EIF4E2: variants seen among roughly 807,000 people sequenced by gnomAD.
EIF4E2 encodes the protein eukaryotic translation initiation factor 4E type 2.
Under a neutral mutation model 34.2 loss-of-function variants are expected in EIF4E2, and 13 were observed. The ratio of observed to expected loss-of-function variants is 0.38; its 90% CI spans 0.25 to 0.60. The LOEUF (loss-of-function observed/expected upper bound fraction) is 0.60. Ranked by LOEUF, EIF4E2 falls within the 20% of genes least tolerant of loss-of-function variation. EIF4E2 has a pLI of 0.62. For synonymous variants in EIF4E2, 100 were observed against 106.6 expected (o/e 0.94, Z 0.38); for missense variants, 222 against 315.1 (o/e 0.70, Z 2.24).
rs569625868 is a variant in EIF4E2, at chr2:232,561,923, A to G, written c.271-2324A>G. 2.0e-5 allele frequency among the ~76,000 whole-genome samples: 3 copies of G among 152,168 alleles called. No homozygotes were observed. The South Asian group carries it at 6.2e-4, about 32-fold the overall frequency. On this transcript the variant is annotated intron_variant, in intron 3 of 6. Transcript: ENST00000258416. Reference sequence around the variant, plus strand: ...CTGTCAAATCTTTTAAAGTTTAATAATATTTCTCAGGCCAGGCACAGTAGC... The same window carrying G: ...CTGTCAAATCTTTTAAAGTTTAATAGTATTTCTCAGGCCAGGCACAGTAGC...
At chr2:232,578,563 G>A (rs540252927) in intron 6 of EIF4E2, among the ~76,000 whole-genome samples, 2 of 151,878 alleles carry the variant, frequency 1.3e-5, no homozygotes, top group East Asian at 3.9e-4. Context: ...CCCAGGAGGC[G>A]GAGGATGCAG....
At chr2:232,565,167 A>C (rs1052340569) in intron 4 of EIF4E2, among the ~76,000 whole-genome samples, 1 of 152,154 alleles carries the variant, frequency 6.6e-6, no homozygotes, top group Non-Finnish European at 1.5e-5. Context: ...ACAGCTCCTC[A>C]TTGCTCACAT....
chr2:232,571,259 T>C (rs1202077152), downstream of EIF4E2, among the ~76,000 whole-genome samples: 2 of 152,234 alleles, frequency 1.3e-5, no homozygotes, highest in East Asian at 1.9e-4. Context: ...GGGCTCCTGC[T>C]CTTGTTTATT....
downstream of EIF4E2, among the ~76,000 whole-genome samples, chr2:232,571,759 C>T (rs1693096906): frequency 6.6e-6 from 1 of 152,206 alleles, no homozygotes; most frequent in Admixed American, 6.5e-5. Flanking sequence ...ATTCCCTTCT[C>T]CTGGCATGGC....
At position 232,566,350 on chromosome 2, in the gene EIF4E2, C is replaced by G. The variant is rs1692933177; in HGVS notation, c.376-479C>G. Among the ~76,000 whole-genome samples, 1 of 152,128 alleles carries G rather than the reference C, an allele frequency of 6.6e-6. No homozygotes were observed. Among genetic ancestry groups the G allele is most frequent in the African/African-American group, 2.4e-5 (1 of 41,434 alleles). Reference sequence around the variant, plus strand: ...TACAGGCGCCCACCACCATGCCCGGCTAATTTTGTTTTTGTATTTTTAGTA... The same window carrying G: ...TACAGGCGCCCACCACCATGCCCGGGTAATTTTGTTTTTGTATTTTTAGTA... On this transcript the variant is annotated intron_variant, in intron 4 of 6. Coordinates refer to ENST00000258416, the MANE Select transcript of EIF4E2 (RefSeq NM_004846.4). This position sits in a 1 kb window ranked among gnomAD's most constrained non-coding sequence, Gnocchi z 4.9.
exon 7 of EIF4E2, chr2:232,580,987 T>C (rs1177967391): frequency 2.0e-5 from 30 of 1,537,256 alleles, no homozygotes; most frequent in Admixed American, 5.9e-5. Context: ...TGTGTGTGTT[T>C]GTCCGAAATG....
At chr2:232,556,933 G>T (rs890403737) in intron 2 of EIF4E2, among the ~76,000 whole-genome samples, 2 of 152,186 alleles carry the variant, frequency 1.3e-5, no homozygotes, top group Non-Finnish European at 2.9e-5. Flanking sequence ...GAGAGAGAGA[G>T]AGATCAATTT....
intron 3 of EIF4E2, among the ~76,000 whole-genome samples, chr2:232,561,320 C>G (rs933148602): frequency 7.4e-6 from 1 of 134,976 alleles, no homozygotes; most frequent in African/African-American, 2.9e-5. Flanking sequence ...TTTTATTTCC[C>G]TCTTGTGAAA....
intron 1 of EIF4E2, chr2:232,553,793 A>G (rs983284664): frequency 1.3e-5 from 2 of 152,222 alleles, no homozygotes; most frequent in African/African-American, 4.8e-5. Flanking sequence ...AGGAGCCCTA[A>G]GTGGTCCAGG....
At chr2:232,583,342 C>T (rs1195630653) in exon 7 of EIF4E2, 1 of 153,166 alleles carries the variant, frequency 6.5e-6, no homozygotes, top group African/African-American at 2.4e-5. Flanking sequence ...TGAAATTGGC[C>T]CCTACTCCTC....
chr2:232,576,069 T>A (rs1314517418), intron 6 of EIF4E2, among the ~76,000 whole-genome samples: 2 of 152,218 alleles, frequency 1.3e-5, no homozygotes, highest in East Asian at 3.9e-4. Flanking sequence ...CTGGGCGTGG[T>A]GGCACACACC....
Position 232,557,921 on chromosome 2 carries a change from A to G in EIF4E2, c.173A>G (p.Tyr58Cys). Residue 58 changes from tyrosine (Y) to cysteine (C), a missense_variant, in exon 3 of 7, where the codon TAC becomes TGC. By Grantham distance (194) the Tyr-to-Cys change is radical. This residue lies in a region of EIF4E2 where 87 missense variants were observed against 93.6 expected (regional missense o/e 0.93). Coordinates refer to ENST00000258416, the MANE Select transcript of EIF4E2 (RefSeq NM_004846.4). ...GGACCGGCAGAGCATCCCCTGCAGT[A>G]CAACTACACTTTTTGGTACTCCAGG... ...VPGPAEHPLQ[Y>C]NYTFWYSRRT... The G allele has an allele frequency of 6.2e-7, 1 of 1,614,038 alleles. No homozygotes were observed. Among genetic ancestry groups the G allele is most frequent in the Non-Finnish European group, 8.5e-7 (1 of 1,180,012 alleles).
chr2:232,568,202 A>G, intron 6 of EIF4E2: 1 of 985,408 alleles, frequency 1.0e-6, no homozygotes, highest in African/African-American at 1.7e-5. Context: ...ATTGAAGGCT[A>G]GTAGTGAGCC....
In EIF4E2 at chr2:232,556,508, A is replaced by G; in HGVS notation, c.113A>G (p.Asn38Ser). The stretch of plus-strand genomic sequence containing the variant: ...AAGGAAAAAACGGAACGAGACAAGA[A>G]TCAGAGCAGTAGCAAGAGAAAGGTG... ...GEKEKTERDKNQSSSKRKAVV... is the reference protein window; with the variant it reads ...GEKEKTERDKSQSSSKRKAVV... The change falls in exon 2 of 7, where the codon AAT becomes AGT. Residue 38 changes from asparagine to serine, a missense_variant. Physicochemically the swap from Asn to Ser is conservative, Grantham distance 46 (BLOSUM62 1). Around this residue, in one of 3 missense-constraint regions of EIF4E2, gnomAD observed 87 missense variants for 93.6 expected, o/e 0.93. Coordinates refer to ENST00000258416, the MANE Select transcript of EIF4E2 (RefSeq NM_004846.4). 6.2e-7 allele frequency: 1 copy of G among 1,612,950 alleles called. No individual in the cohort carries two copies. Among genetic ancestry groups the G allele is most frequent in the East Asian group, 2.2e-5 (1 of 44,884 alleles).
exon 7 of EIF4E2, chr2:232,580,950 A>G: frequency 6.5e-7 from 1 of 1,550,350 alleles, no homozygotes; most frequent in South Asian, 1.2e-5. Context: ...GTGAGAGTAC[A>G]CAAGCTGGCA....
At chr2:232,557,828 C>T in intron 2 of EIF4E2, 56 bp from the exon 3 acceptor site, 1 of 1,583,132 alleles carries the variant, frequency 6.3e-7, no homozygotes, top group East Asian at 2.3e-5. Flanking sequence ...AATGTTCTCT[C>T]AGTCTCAGAC....
At chr2:232,553,422 T>G (rs201441218) in intron 1 of EIF4E2, among the ~76,000 whole-genome samples, 1 of 9,346 alleles carries the variant, frequency 1.1e-4, no homozygotes, top group Non-Finnish European at 1.7e-4. Context: ...TAAACGGAGA[T>G]TTTTTTTTAT....
At chr2:232,578,421 A>C (rs1348352927) in intron 6 of EIF4E2, among the ~76,000 whole-genome samples, 1 of 152,192 alleles carries the variant, frequency 6.6e-6, no homozygotes. Context: ...TCATGAGGTC[A>C]AGAGATCGAG....
intron 3 of EIF4E2, among the ~76,000 whole-genome samples, chr2:232,559,383 C>G (rs2106239991): frequency 6.6e-6 from 1 of 151,188 alleles, no homozygotes; most frequent in African/African-American, 2.4e-5. Flanking sequence ...CAGTAACAAT[C>G]ACGGTTTTCT....
Sources: allele counts gnomAD v4.1 joint callset (sites outside exome capture counted in the v4.1 genomes callset), GRCh38; gene constraint gnomAD v4.1.1; regional missense constraint gnomAD v4.1.1; non-coding constraint Gnocchi (gnomAD v3.1); transcripts MANE v1.5; gene names NCBI Gene and HGNC (gene_info 2026-07-23, HGNC 2026-07-21).